Variants in TVP23B observed in about 807,000 individuals in gnomAD.
The protein encoded by TVP23B is trans-golgi network vesicle protein 23 homolog B.
A neutral mutation model predicts 30.6 loss-of-function variants in TVP23B; 10 were observed. The observed-to-expected ratio is 0.33, with a 90% CI of 0.20 to 0.55. The LOEUF (loss-of-function observed/expected upper bound fraction) is 0.55, where lower values mean the gene tolerates loss of function less well. TVP23B is among the 20% of genes least tolerant of loss of function. The pLI, the probability that TVP23B is intolerant of heterozygous loss-of-function variation, is 0.91. For missense variants in TVP23B, 153 were observed against 243.2 expected (o/e 0.63, Z 2.47); for synonymous variants, 67 against 83.1 (o/e 0.81, Z 1.06).
intron 1 of TVP23B, among the ~76,000 whole-genome samples, chr17:18,786,158 A>T (rs1396344379): frequency 6.6e-6 from 1 of 152,154 alleles, no homozygotes; most frequent in Non-Finnish European, 1.5e-5. Flanking sequence ...TGTAAGGACC[A>T]TTGTGATCAC....
chr17:18,790,146 A>G (rs1366132846), intron 2 of TVP23B, among the ~76,000 whole-genome samples: 1 of 152,206 alleles, frequency 6.6e-6, no homozygotes, highest in East Asian at 1.9e-4. Context: ...TGATATGTGA[A>G]TTATATCTCA....
chr17:18,803,629 G>A lies in TVP23B; in HGVS notation c.463-509G>A, dbSNP rs369030702. Among the ~76,000 whole-genome samples, 11 of 152,326 alleles carry A rather than the reference G, an allele frequency of 7.2e-5. 1 individual carries two copies. The East Asian group carries it at 1.7e-3, about 24-fold the overall frequency. Reference sequence around the variant, plus strand: ...TCCCTGCTCGGGGAAGGCAGGCATCGGTTGATTTATGCCTTAGGGCATTGC... The same window carrying A: ...TCCCTGCTCGGGGAAGGCAGGCATCAGTTGATTTATGCCTTAGGGCATTGC... On this transcript the variant is annotated intron_variant, in intron 5 of 6. Coordinates refer to ENST00000307767, the MANE Select transcript of TVP23B (RefSeq NM_016078.6).
At chr17:18,783,962 C>T (rs1334736594) in intron 1 of TVP23B, among the ~76,000 whole-genome samples, 1 of 151,602 alleles carries the variant, frequency 6.6e-6, no homozygotes, top group African/African-American at 2.4e-5. Flanking sequence ...CTGGCTAACA[C>T]GGTGAAACCC....
intron 1 of TVP23B, among the ~76,000 whole-genome samples, chr17:18,788,061 G>A (rs2035934609): frequency 1.4e-5 from 2 of 140,268 alleles, no homozygotes; most frequent in South Asian, 2.3e-4. Flanking sequence ...TTATGGGGCC[G>A]GGCATGGTGG....
At chr17:18,793,717 A>C (rs2036033573) in intron 3 of TVP23B, among the ~76,000 whole-genome samples, 1 of 152,082 alleles carries the variant, frequency 6.6e-6, no homozygotes, top group South Asian at 2.1e-4. Flanking sequence ...AGGAAAACAA[A>C]GCAACTGTCA....
chr17:18,790,974 C>T lies in TVP23B; in HGVS notation c.174C>T (p.Ser58=), dbSNP rs774820840. Residue 58 remains serine (S), a synonymous_variant, in exon 3 of 7, where the codon AGC becomes AGT. Transcript: ENST00000307767. ...IIVYLLCGLL[S]SSFITCMVTI... is the part of the protein sequence containing the mutation. ...TCTATCTTCTCTGTGGGTTGCTCAG[C>T]AGCAGCTTTATTACCTGTATGGTGA... 26 of 1,612,612 alleles carry T rather than the reference C, an allele frequency of 1.6e-5. No homozygotes were observed. Among genetic ancestry groups the T allele is most frequent in the Non-Finnish European group, 1.9e-5 (23 of 1,179,574 alleles).
At position 18,781,329 on chromosome 17, in the gene TVP23B, G is replaced by T. The variant is rs75174617; in HGVS notation, c.12+24G>T. 0.47 allele frequency: 743,440 copies of T among 1,570,566 alleles called. 178,106 individuals carry two copies. Among genetic ancestry groups the T allele is most frequent in the Non-Finnish European group, 0.5 (576,152 of 1,158,896 alleles). ...AGGTGAGGGGCTGAGGGCTCGCTGG[G>T]AGGGTGGCGGCTCCTGGGACTGGCT... On this transcript the variant is annotated intron_variant, in intron 1 of 6. Coordinates refer to ENST00000307767, the MANE Select transcript of TVP23B (RefSeq NM_016078.6).
At chr17:18,800,847 T>C (rs1429400395) in intron 5 of TVP23B, among the ~76,000 whole-genome samples, 1 of 152,234 alleles carries the variant, frequency 6.6e-6, no homozygotes, top group East Asian at 1.9e-4. Flanking sequence ...TTTTATTTGT[T>C]CTCATCTACT....
At chr17:18,802,818 G>GTT (rs2036189861) in intron 5 of TVP23B, among the ~76,000 whole-genome samples, 1 of 152,140 alleles carries the variant, frequency 6.6e-6, no homozygotes, top group Non-Finnish European at 1.5e-5. Context: ...TTGAATTGAG[G>GTT]TGTACCCTGG....
chr17:18,794,023 A>T (rs1009438967), intron 3 of TVP23B, among the ~76,000 whole-genome samples: 3 of 151,998 alleles, frequency 2.0e-5, no homozygotes, highest in Admixed American at 1.3e-4. Flanking sequence ...AGGTGATTTT[A>T]TGAATCACAG....
At chr17:18,785,585 A>G (rs1478801027) in intron 1 of TVP23B, among the ~76,000 whole-genome samples, 2 of 152,084 alleles carry the variant, frequency 1.3e-5, no homozygotes, top group Non-Finnish European at 2.9e-5. Flanking sequence ...AACTGAAAAG[A>G]AGGCCAGCCT....
chr17:18,791,992 C>T (rs1251746780), intron 3 of TVP23B, among the ~76,000 whole-genome samples: 26 of 152,082 alleles, frequency 1.7e-4, no homozygotes, highest in Non-Finnish European at 2.6e-4. Flanking sequence ...TAAGATGTTA[C>T]AACCCTATTC....
chr17:18,789,513 G>A (rs1203387851), intron 2 of TVP23B, 78 bp downstream of exon 2: 35 of 1,586,186 alleles, frequency 2.2e-5, no homozygotes, highest in Non-Finnish European at 3.0e-5. Flanking sequence ...GCTGATGGGA[G>A]TCAAGGCAGA....
chr17:18,781,460 A>G (rs2035806212), intron 1 of TVP23B, 155 bp downstream of exon 1: 4 of 1,379,360 alleles, frequency 2.9e-6, no homozygotes, highest in Admixed American at 2.5e-5. Context: ...TTGTCTGAGG[A>G]GGGCTGCTGG....
At chr17:18,783,004 T>G (rs958185514) in intron 1 of TVP23B, among the ~76,000 whole-genome samples, 1 of 149,570 alleles carries the variant, frequency 6.7e-6, no homozygotes, top group East Asian at 1.9e-4. Flanking sequence ...CAGGTTCACA[T>G]GCTTCTGACA....
intron 3 of TVP23B, chr17:18,796,020 T>A (rs2036071199): frequency 1.3e-5 from 2 of 149,608 alleles, no homozygotes; most frequent in South Asian, 4.2e-4. Flanking sequence ...TACTATACTT[T>A]ATGAATTTAT....
intron 2 of TVP23B, 106 bp downstream of exon 2, chr17:18,789,541 G>A (rs142894375): frequency 0.012 from 17,180 of 1,398,094 alleles, 338 homozygotes; most frequent in South Asian, 0.068. Flanking sequence ...CAATGTGCTT[G>A]TGAATACTGC....
At chr17:18,787,594 G>C (rs2035928162) in intron 1 of TVP23B, among the ~76,000 whole-genome samples, 2 of 152,122 alleles carry the variant, frequency 1.3e-5, no homozygotes. Context: ...TAAAAAACTT[G>C]AAGGATGATT....
chr17:18,799,998 A>T (rs1483509090), intron 5 of TVP23B, among the ~76,000 whole-genome samples: 1 of 152,020 alleles, frequency 6.6e-6, no homozygotes, highest in East Asian at 1.9e-4. Flanking sequence ...TGTTTATATC[A>T]TTACCCTCTT....
Sources: allele counts gnomAD v4.1 joint callset (sites outside exome capture counted in the v4.1 genomes callset), GRCh38; gene constraint gnomAD v4.1.1; transcripts MANE v1.5; gene names NCBI Gene and HGNC (gene_info 2026-07-23, HGNC 2026-07-21).